Variants in CHCHD3 observed in about 807,000 individuals in gnomAD.
CHCHD3 encodes MICOS complex subunit MIC19.
CHCHD3 carries 20 observed loss-of-function variants against 38.2 expected under a neutral mutation model. The observed-to-expected ratio is 0.52, with a 90% CI of 0.37 to 0.76. The LOEUF (loss-of-function observed/expected upper bound fraction) is 0.76, where lower values mean the gene tolerates loss of function less well. CHCHD3 is among the 30% of genes least tolerant of loss of function. CHCHD3 has a pLI of 0.00. For missense variants in CHCHD3, 245 were observed against 279.2 expected (o/e 0.88, Z 0.87); for synonymous variants, 82 against 100.0 (o/e 0.82, Z 1.07).
chr7:132,786,401 AT>A (rs1365189885), intron 7 of CHCHD3, among the ~76,000 whole-genome samples: 2 of 152,198 alleles, frequency 1.3e-5, no homozygotes, highest in Non-Finnish European at 2.9e-5. Context: ...AGCTACACAG[AT>A]TGGTACCTAT....
At chr7:132,932,428 G>C (rs1489526064) in intron 4 of CHCHD3, among the ~76,000 whole-genome samples, 1 of 152,188 alleles carries the variant, frequency 6.6e-6, no homozygotes, top group Non-Finnish European at 1.5e-5. Context: ...TTGTTCACTT[G>C]TCAAACACAT....
chr7:132,979,365 T>C (rs1282268585), intron 3 of CHCHD3, among the ~76,000 whole-genome samples: 3 of 152,150 alleles, frequency 2.0e-5, no homozygotes, highest in Admixed American at 6.5e-5. Flanking sequence ...ATTTATTCAG[T>C]ATATAATTAC....
At chr7:133,026,597 A>G (rs891000453) in intron 2 of CHCHD3, among the ~76,000 whole-genome samples, 3 of 152,258 alleles carry the variant, frequency 2.0e-5, no homozygotes, top group African/African-American at 7.2e-5. Context: ...GACATTATTC[A>G]CAACATCCCA....
intron 6 of CHCHD3, among the ~76,000 whole-genome samples, chr7:132,829,823 T>C (rs1038022902): frequency 2.0e-5 from 3 of 152,164 alleles, no homozygotes; most frequent in African/African-American, 7.2e-5. Flanking sequence ...ATTGTCTTTT[T>C]AGAGAAATTA....
chr7:132,885,354 G>A (rs1809177753), intron 5 of CHCHD3, among the ~76,000 whole-genome samples: 1 of 152,184 alleles, frequency 6.6e-6, no homozygotes, highest in South Asian at 2.1e-4. Flanking sequence ...ATGTCTGGGA[G>A]AGATAAGAGT....
At chr7:133,062,416 G>A (rs1185926898) in intron 2 of CHCHD3, among the ~76,000 whole-genome samples, 1 of 152,058 alleles carries the variant, frequency 6.6e-6, no homozygotes, top group Admixed American at 6.5e-5. Flanking sequence ...ACTAACCAAT[G>A]CCGTATTTTA....
chr7:132,830,690 C>T (rs991887099), intron 6 of CHCHD3: 31 of 152,158 alleles, frequency 2.0e-4, no homozygotes, highest in African/African-American at 7.0e-4. Context: ...TCTTCAATTT[C>T]AGAAATGAAA....
At chr7:133,062,683 G>A (rs1814550504) in intron 2 of CHCHD3, among the ~76,000 whole-genome samples, 1 of 152,080 alleles carries the variant, frequency 6.6e-6, no homozygotes, top group Middle Eastern at 3.2e-3. Context: ...CATAACTCCC[G>A]AGTTAACTTC....
At chr7:132,819,262 G>C (rs1807280678) in intron 6 of CHCHD3, among the ~76,000 whole-genome samples, 1 of 152,132 alleles carries the variant, frequency 6.6e-6, no homozygotes, top group African/African-American at 2.4e-5. Flanking sequence ...TTAGACAACA[G>C]TTTCCTCTAG....
chr7:132,956,728 T>C (rs1263737979), intron 4 of CHCHD3, among the ~76,000 whole-genome samples: 1 of 152,174 alleles, frequency 6.6e-6, no homozygotes, highest in East Asian at 1.9e-4. Context: ...AGATAACTGA[T>C]AGTCTAGGCC....
chr7:133,019,041 A>G (rs1584647361), intron 3 of CHCHD3, among the ~76,000 whole-genome samples: 1 of 151,312 alleles, frequency 6.6e-6, no homozygotes, highest in South Asian at 2.1e-4. Context: ...GTGCCACCAC[A>G]CCCAGCTAAT....
chr7:133,024,514 C>A (rs764461905), intron 3 of CHCHD3, 32 bp downstream of exon 3: 2 of 1,516,586 alleles, frequency 1.3e-6, no homozygotes, highest in Non-Finnish European at 1.8e-6. Flanking sequence ...ACAAAACCCA[C>A]CAAAACCTCT....
chr7:133,055,951 C>G (rs1339000690), intron 2 of CHCHD3, among the ~76,000 whole-genome samples: 1 of 151,976 alleles, frequency 6.6e-6, no homozygotes, highest in Admixed American at 6.6e-5. Flanking sequence ...TAGAGACCAG[C>G]CTGAGCAACA....
chr7:132,944,903 ACTTT>A (rs1810859870), intron 4 of CHCHD3, among the ~76,000 whole-genome samples: 1 of 151,974 alleles, frequency 6.6e-6, no homozygotes, highest in Non-Finnish European at 1.5e-5. Context: ...CCTACTCTAA[ACTTT>A]CTTTGTTCTC....
In CHCHD3 at chr7:133,018,286, A is replaced by G. The variant is rs551382782; in HGVS notation, c.251+6260T>C. 3.6e-4 allele frequency among the ~76,000 whole-genome samples: 55 copies of G among 152,350 alleles called. 1 individual carries two copies. The highest frequency in any genetic ancestry group is 1.3e-3 in the African/African-American group (55 of 41,584). ...TATGCTCACATCACAGCAGGATGGT[A>G]TAGGTTACACCTGGACATCAGCTGT... On this transcript the variant is annotated intron_variant, in intron 3 of 7. Coordinates refer to ENST00000262570, the MANE Select transcript of CHCHD3 (RefSeq NM_017812.4).
intron 4 of CHCHD3, among the ~76,000 whole-genome samples, chr7:132,954,742 G>A (rs1214505443): frequency 1.3e-5 from 2 of 152,136 alleles, no homozygotes; most frequent in East Asian, 1.9e-4. Flanking sequence ...CAGTCCCACT[G>A]AGGGGCCAAG....
At chr7:132,978,523 G>T (rs1393485890) in intron 3 of CHCHD3, among the ~76,000 whole-genome samples, 1 of 152,036 alleles carries the variant, frequency 6.6e-6, no homozygotes, top group Non-Finnish European at 1.5e-5. Context: ...GTTGATGTAT[G>T]CATGTGTGAA....
chr7:132,875,391 G>A (rs142512562), intron 5 of CHCHD3, among the ~76,000 whole-genome samples: 1,912 of 152,200 alleles, frequency 0.013, 22 homozygotes, highest in Non-Finnish European at 0.021. Flanking sequence ...AATGAGTTCC[G>A]GTCCTCAAAG....
chr7:132,945,447 A>G (rs1810873070), intron 4 of CHCHD3, among the ~76,000 whole-genome samples: 1 of 151,964 alleles, frequency 6.6e-6, no homozygotes, highest in Non-Finnish European at 1.5e-5. Flanking sequence ...GTACATATCA[A>G]TGGGGTTGCC....
Sources: allele counts gnomAD v4.1 joint callset (sites outside exome capture counted in the v4.1 genomes callset), GRCh38; gene constraint gnomAD v4.1.1; transcripts MANE v1.5; gene names NCBI Gene and HGNC (gene_info 2026-07-23, HGNC 2026-07-21).